The following ZBTB7C variants were observed in gnomAD, a reference collection of about 807,000 sequenced individuals.
ZBTB7C encodes zinc finger and BTB domain containing 7C.
In ZBTB7C, 8 loss-of-function variants were observed where a neutral mutation model predicts 25.7. That is an observed-to-expected ratio of 0.31 (90% confidence interval 0.18 to 0.56). The LOEUF (loss-of-function observed/expected upper bound fraction) is 0.56, where lower values mean the gene tolerates loss of function less well. ZBTB7C is among the 20% of genes least tolerant of loss of function. ZBTB7C has a pLI of 0.91. For missense variants in ZBTB7C, 824 were observed against 855.2 expected (o/e 0.96, Z 0.46); for synonymous variants, 394 against 369.0 (o/e 1.07, Z -0.78).
chr18:48,266,629 C>G (rs1051073492), intron 2 of ZBTB7C, among the ~76,000 whole-genome samples: 6 of 152,192 alleles, frequency 3.9e-5, no homozygotes, highest in African/African-American at 1.4e-4. Context: ...GAGCTGTCCA[C>G]ACAACCCCCC....
At chr18:48,190,055 C>G (rs1269675629) in intron 2 of ZBTB7C, among the ~76,000 whole-genome samples, 1 of 152,150 alleles carries the variant, frequency 6.6e-6, no homozygotes, top group East Asian at 1.9e-4. Flanking sequence ...TGCTGTTGGC[C>G]AAGGCTTTTC....
intron 2 of ZBTB7C, among the ~76,000 whole-genome samples, chr18:48,200,298 A>G (rs2042410229): frequency 6.6e-6 from 1 of 152,038 alleles, no homozygotes; most frequent in South Asian, 2.1e-4. Context: ...CAGAAAACCC[A>G]ACCGAGACAT....
chr18:48,214,249 T>C (rs1372890908), intron 2 of ZBTB7C, among the ~76,000 whole-genome samples: 1 of 152,236 alleles, frequency 6.6e-6, no homozygotes, highest in Admixed American at 6.5e-5. Flanking sequence ...AGAACTTTTT[T>C]TCATTTTCCC....
intron 1 of ZBTB7C, among the ~76,000 whole-genome samples, chr18:48,408,022 T>C (rs1259924556): frequency 1.3e-5 from 2 of 152,124 alleles, no homozygotes; most frequent in African/African-American, 4.8e-5. Context: ...TATATCTTCT[T>C]TTAAGGGGTC....
chr18:48,302,541 C>T (rs1039156121), intron 2 of ZBTB7C, among the ~76,000 whole-genome samples: 1 of 152,220 alleles, frequency 6.6e-6, no homozygotes, highest in African/African-American at 2.4e-5. Flanking sequence ...TCAGAGAACA[C>T]TAACACCAGC....
intron 1 of ZBTB7C, among the ~76,000 whole-genome samples, chr18:48,398,890 T>A (rs1228848766): frequency 1.3e-5 from 2 of 152,246 alleles, no homozygotes; most frequent in African/African-American, 2.4e-5. Context: ...ATTTTATCCT[T>A]TGAAGTGTCT....
chr18:48,152,346 GA>G (rs1195286483), intron 3 of ZBTB7C, among the ~76,000 whole-genome samples: 27 of 152,110 alleles, frequency 1.8e-4, no homozygotes, highest in Non-Finnish European at 3.4e-4. Flanking sequence ...AAATCCAGGT[GA>G]AAGGCAGGTT....
chr18:48,259,959 T>C (rs771360931), intron 2 of ZBTB7C, among the ~76,000 whole-genome samples: 2 of 152,232 alleles, frequency 1.3e-5, no homozygotes, highest in Non-Finnish European at 2.9e-5. Flanking sequence ...TGGCAGTTTC[T>C]TAACAAGTTA....
At chr18:48,327,477 T>G (rs2144888778) in intron 2 of ZBTB7C, among the ~76,000 whole-genome samples, 1 of 152,306 alleles carries the variant, frequency 6.6e-6, no homozygotes, top group East Asian at 1.9e-4. Context: ...TGCCGTGAAC[T>G]CACTGATCCC....
intron 3 of ZBTB7C, among the ~76,000 whole-genome samples, chr18:48,126,152 A>C (rs993167503): frequency 1.3e-5 from 2 of 152,178 alleles, no homozygotes; most frequent in African/African-American, 4.8e-5. Context: ...TCTCAGGCTG[A>C]CTTTCCCCAT....
At position 48,245,494 on chromosome 18, in the gene ZBTB7C, C is replaced by CAAAA. The variant is rs5824738; in HGVS notation, c.-78-59503_-78-59500dup. ...GAAATAAAAAAATAGATCAAGACAC[C>CAAAA]AAAAAAAAAAAAAGAAAAAATGAAT... On this transcript the variant is annotated intron_variant, in intron 2 of 4. Coordinates refer to ENST00000590800, the MANE Select transcript of ZBTB7C (RefSeq NM_001318841.2). Among the ~76,000 whole-genome samples the CAAAA allele has an allele frequency of 3.1e-3, 409 of 132,894 alleles. 5 individuals carry two copies. The highest frequency in any genetic ancestry group is 8.6e-3 in the African/African-American group (300 of 34,778). The allele number at this position is 132,894 out of a possible 152,430, so 87.2% of individuals were successfully genotyped here. A position where few individuals can be genotyped will look rare whatever the true frequency, so the allele number is the denominator to read the frequency against.
chr18:48,282,619 A>T (rs1027584078), intron 2 of ZBTB7C, among the ~76,000 whole-genome samples: 1 of 152,200 alleles, frequency 6.6e-6, no homozygotes, highest in Non-Finnish European at 1.5e-5. Context: ...CCCACCTACA[A>T]TAAGATGCAG....
intron 3 of ZBTB7C, among the ~76,000 whole-genome samples, chr18:48,168,056 A>C (rs1469982558): frequency 6.6e-6 from 1 of 152,184 alleles, no homozygotes; most frequent in East Asian, 1.9e-4. Context: ...GACCAGGACA[A>C]CACACTCTGA....
chr18:48,352,194 G>T (rs559761323), intron 1 of ZBTB7C, among the ~76,000 whole-genome samples: 1 of 152,236 alleles, frequency 6.6e-6, no homozygotes, highest in Non-Finnish European at 1.5e-5. Context: ...CCACTTGACT[G>T]TGAGCACTCT....
chr18:48,036,367 G>C (rs973805798), intron 4 of ZBTB7C, among the ~76,000 whole-genome samples: 1 of 152,302 alleles, frequency 6.6e-6, no homozygotes, highest in East Asian at 1.9e-4. Flanking sequence ...GTACGTCCCC[G>C]TGGGGTGTGG....
chr18:48,252,846 T>A (rs2043908082), intron 2 of ZBTB7C: 2 of 152,196 alleles, frequency 1.3e-5, no homozygotes, highest in Non-Finnish European at 2.9e-5. Context: ...AAGGAGGCAG[T>A]CCCTGACATT....
chr18:48,042,062 GCACAGCT>G (rs1243626375), intron 3 of ZBTB7C, among the ~76,000 whole-genome samples: 1 of 152,326 alleles, frequency 6.6e-6, no homozygotes, highest in East Asian at 1.9e-4. Flanking sequence ...CTTTCAGGAA[GCACAGCT>G]CACAGCCCAG....
intron 1 of ZBTB7C, among the ~76,000 whole-genome samples, chr18:48,352,331 C>A (rs568805102): frequency 2.7e-4 from 41 of 152,348 alleles, no homozygotes; most frequent in Non-Finnish European, 4.9e-4. Flanking sequence ...CCAGCTTATC[C>A]AAGTGCTCAC....
At chr18:48,148,408 C>T (rs2040564689) in intron 3 of ZBTB7C, 1 of 152,312 alleles carries the variant, frequency 6.6e-6, no homozygotes, top group Non-Finnish European at 1.5e-5. Context: ...ATGGGAAATA[C>T]TGGTTATACA....
Sources: allele counts gnomAD v4.1 joint callset (sites outside exome capture counted in the v4.1 genomes callset), GRCh38; gene constraint gnomAD v4.1.1; transcripts MANE v1.5; gene names NCBI Gene and HGNC (gene_info 2026-07-23, HGNC 2026-07-21).